The following PSD3 variants were observed in gnomAD, a reference collection of about 807,000 sequenced individuals.
The protein encoded by PSD3 is PH and SEC7 domain-containing protein 3.
A neutral mutation model predicts 105.5 loss-of-function variants in PSD3; 49 were observed. The ratio of observed to expected loss-of-function variants is 0.46; its 90% CI spans 0.37 to 0.59. The LOEUF is 0.59. PSD3 is among the 20% of genes least tolerant of loss of function. PSD3 has a pLI of 0.00. For synonymous variants in PSD3, 557 were observed against 457.8 expected, an observed-to-expected ratio of 1.22 and a Z score of -2.77; for missense variants, 1,561 against 1,263.8, an observed-to-expected ratio of 1.24 and a Z score of -3.57.
chr8:18,750,418 C>T (rs926734071), intron 9 of PSD3, among the ~76,000 whole-genome samples: 11 of 152,038 alleles, frequency 7.2e-5, no homozygotes, highest in African/African-American at 2.7e-4. Context: ...GTTGTTCGTT[C>T]CTCCCGGTGG....
At chr8:18,974,279 G>C (rs539291899) in intron 1 of PSD3, among the ~76,000 whole-genome samples, 13 of 152,168 alleles carry the variant, frequency 8.5e-5, no homozygotes, top group Non-Finnish European at 1.8e-4. Context: ...AACATGTGGG[G>C]AACAGGATTC....
chr8:19,061,209 A>T (rs992738994), intron 1 of PSD3, among the ~76,000 whole-genome samples: 4 of 152,186 alleles, frequency 2.6e-5, no homozygotes, highest in African/African-American at 9.7e-5. Flanking sequence ...ACAAACACTC[A>T]TGCACATGCA....
At chr8:18,559,815 G>C (rs1302698638) in intron 14 of PSD3, among the ~76,000 whole-genome samples, 1 of 152,126 alleles carries the variant, frequency 6.6e-6, no homozygotes, top group Non-Finnish European at 1.5e-5. Context: ...AACATCTTAT[G>C]TTTTTCACTT....
intron 9 of PSD3, among the ~76,000 whole-genome samples, chr8:18,657,350 G>C (rs544216599): frequency 1.3e-5 from 2 of 152,118 alleles, no homozygotes; most frequent in East Asian, 3.9e-4. Context: ...GACTCAATAC[G>C]TGTATTCTTA....
chr8:18,594,950 T>A (rs754076677), intron 12 of PSD3, among the ~76,000 whole-genome samples: 3 of 152,110 alleles, frequency 2.0e-5, no homozygotes, highest in Non-Finnish European at 2.9e-5. Context: ...CAATCACTGA[T>A]ATGCAGTGCT....
chr8:19,024,254 G>A (rs988630026), intron 1 of PSD3, among the ~76,000 whole-genome samples: 2 of 152,070 alleles, frequency 1.3e-5, no homozygotes, highest in South Asian at 2.1e-4. Context: ...CCAAAGATAC[G>A]TTATTTCACG....
intron 2 of PSD3, among the ~76,000 whole-genome samples, chr8:18,905,417 A>G (rs1159483048): frequency 1.3e-5 from 2 of 152,086 alleles, no homozygotes; most frequent in Non-Finnish European, 2.9e-5. Context: ...TCCACCTCCC[A>G]GGTTCAAGCA....
intron 1 of PSD3, among the ~76,000 whole-genome samples, chr8:19,065,399 G>GTAGATA (rs1563540393): frequency 1.3e-5 from 2 of 152,136 alleles, no homozygotes; most frequent in Non-Finnish European, 2.9e-5. Context: ...CCTGGAGATA[G>GTAGATA]CGTCAGATCC....
At chr8:18,746,606 C>T (rs946359620) in intron 9 of PSD3, among the ~76,000 whole-genome samples, 5 of 152,130 alleles carry the variant, frequency 3.3e-5, no homozygotes, top group Non-Finnish European at 7.3e-5. Context: ...TAGCTCATAC[C>T]CCTGTAAAAG....
chr8:18,852,794 A>G (rs1485866280), intron 4 of PSD3, among the ~76,000 whole-genome samples: 1 of 152,190 alleles, frequency 6.6e-6, no homozygotes, highest in Non-Finnish European at 1.5e-5. Flanking sequence ...CACGTGCCTC[A>G]CATAAGGAAG....
intron 9 of PSD3, among the ~76,000 whole-genome samples, chr8:18,696,051 G>T (rs977125589): frequency 5.9e-5 from 9 of 152,172 alleles, no homozygotes; most frequent in Admixed American, 5.2e-4. Context: ...GCTGAGAATT[G>T]CCCTGAGATG....
chr8:18,535,976 G>C lies in PSD3; in HGVS notation c.2929-18C>G. The C allele has an allele frequency of 1.2e-6, 2 of 1,605,314 alleles. No homozygotes were observed. The highest frequency in any genetic ancestry group is 1.7e-6 in the Non-Finnish European group (2 of 1,172,678). ...CGGGTTTTCTGAAGGCAAAGCCAGA[G>C]AACAACGGTAGTCAGAAAACTGTTC... On this transcript the variant is annotated intron_variant, in intron 15 of 15. Transcript: ENST00000327040.
At chr8:19,053,719 C>T (rs1294501450) in intron 1 of PSD3, among the ~76,000 whole-genome samples, 5 of 150,668 alleles carry the variant, frequency 3.3e-5, no homozygotes, top group South Asian at 4.2e-4. Flanking sequence ...AGTGAGACTT[C>T]GTCTCAAGAA....
chr8:18,769,244 A>C (rs1807284724), intron 8 of PSD3, among the ~76,000 whole-genome samples: 1 of 152,210 alleles, frequency 6.6e-6, no homozygotes. Flanking sequence ...CTTTAAATGA[A>C]AATAAAGGAA....
chr8:18,675,875 A>T (rs1317835369), intron 9 of PSD3, among the ~76,000 whole-genome samples: 1 of 152,148 alleles, frequency 6.6e-6, no homozygotes. Flanking sequence ...ATGAGTAAAT[A>T]AAAAATATTT....
chr8:18,949,153 C>T (rs1335175757), intron 1 of PSD3, among the ~76,000 whole-genome samples: 13 of 137,862 alleles, frequency 9.4e-5, no homozygotes, highest in African/African-American at 3.0e-4. Flanking sequence ...ACCCAGGAGA[C>T]AGAGCTTGCA....
intron 8 of PSD3, among the ~76,000 whole-genome samples, chr8:18,796,974 TCAAA>T (rs1296754469): frequency 6.6e-6 from 1 of 151,916 alleles, no homozygotes; most frequent in Non-Finnish European, 1.5e-5. Flanking sequence ...TGCTGACAAG[TCAAA>T]CAGACACTAA....
intron 2 of PSD3, among the ~76,000 whole-genome samples, chr8:18,922,189 C>A (rs12155557): frequency 2.6e-5 from 4 of 152,054 alleles, no homozygotes; most frequent in Middle Eastern, 3.2e-3. Flanking sequence ...AATGAAAAAA[C>A]GGTTTGTTCA....
chr8:19,080,713 G>A (rs974436390), intron 1 of PSD3, among the ~76,000 whole-genome samples: 3 of 152,168 alleles, frequency 2.0e-5, no homozygotes, highest in Admixed American at 1.3e-4. Flanking sequence ...AATTGGTTTT[G>A]AGGACCAACG....
Sources: gnomAD v4.1 joint callset for allele counts (sites outside exome capture counted in the v4.1 genomes callset) on GRCh38, gnomAD v4.1.1 for gene constraint, MANE v1.5 for transcripts, NCBI Gene and HGNC (gene_info 2026-07-23, HGNC 2026-07-21) for gene names.